TRMT10B: variants seen among roughly 807,000 people sequenced by gnomAD.
The protein encoded by TRMT10B is tRNA methyltransferase 10B, also known as tRNA methyltransferase 10 homolog B.
TRMT10B carries 33 observed loss-of-function variants against 43.8 expected under a neutral mutation model. The observed-to-expected ratio is 0.75, with a 90% CI of 0.57 to 1.01. The LOEUF (loss-of-function observed/expected upper bound fraction) is 1.01, where lower values mean the gene tolerates loss of function less well. Ranked by LOEUF, TRMT10B falls within the 50% of genes least tolerant of loss-of-function variation. The pLI is 0.00. For synonymous variants in TRMT10B, 137 were observed against 130.6 expected (o/e 1.05, Z -0.34); for missense variants, 362 against 369.8 (o/e 0.98, Z 0.17).
chr9:37,763,887 A>G (rs1257402030), intron 4 of TRMT10B, 134 bp downstream of exon 4: 1 of 1,544,920 alleles, frequency 6.5e-7, no homozygotes, highest in East Asian at 2.4e-5. Context: ...GATTTTCTAT[A>G]CTGGGTTACT....
intron 1 of TRMT10B, among the ~76,000 whole-genome samples, chr9:37,754,259 GACA>G (rs1215668367): frequency 4.6e-5 from 7 of 152,164 alleles, no homozygotes; most frequent in African/African-American, 1.7e-4. Flanking sequence ...AGGAGGTTCC[GACA>G]ACAAGTAAAA....
chr9:37,757,201 A>G lies in TRMT10B; in HGVS notation c.-30+3349A>G, dbSNP rs750905137. On this transcript the variant is annotated intron_variant, in intron 1 of 8. Transcript: ENST00000297994. ...TGGGTTCAAGCGATCTTCTGGCTTC[A>G]GCTGCCCAAGTAGCTGGGACTACAG... is the stretch of plus-strand genomic sequence containing the variant. Among the ~76,000 whole-genome samples the G allele has an allele frequency of 2.6e-5, 4 of 152,152 alleles. No homozygotes were observed. The East Asian group carries it at 7.7e-4, about 29-fold the overall frequency.
In TRMT10B at chr9:37,776,504, A is replaced by G. The variant is rs1230966094; in HGVS notation, c.844+99A>G. The G allele has an allele frequency of 2.8e-6, 4 of 1,419,360 alleles. No homozygotes were observed. In the African/African-American group the frequency reaches 4.4e-5, roughly 16 times the overall value. 87.9% of individuals were successfully genotyped at this position (1,419,360 alleles called of 1,614,324 possible). A position where few individuals can be genotyped will look rare whatever the true frequency, so the allele number is the denominator to read the frequency against. On this transcript the variant is annotated intron_variant, in intron 8 of 8. Transcript: ENST00000297994. ...TTTGAGTCAGTCTCCTCTGTGACTA[A>G]TGTGTGTGGACTTTATTGCATGTAC...
intron 1 of TRMT10B, among the ~76,000 whole-genome samples, chr9:37,757,019 T>C (rs948783425): frequency 6.6e-6 from 1 of 151,830 alleles, no homozygotes; most frequent in Non-Finnish European, 1.5e-5. Flanking sequence ...TTTTTTTTTT[T>C]AATTTGTGAT....
At chr9:37,757,912 T>G (rs1825891967) in intron 1 of TRMT10B, among the ~76,000 whole-genome samples, 1 of 152,204 alleles carries the variant, frequency 6.6e-6, no homozygotes, top group African/African-American at 2.4e-5. Context: ...AATGCTATTT[T>G]CCCGCTTAAA....
chr9:37,754,951 C>A (rs1825456143), intron 1 of TRMT10B, among the ~76,000 whole-genome samples: 1 of 152,098 alleles, frequency 6.6e-6, no homozygotes, highest in Non-Finnish European at 1.5e-5. Context: ...AAAGGTGCTG[C>A]CAGGATTGGG....
At chr9:37,767,728 C>G (rs1285859239) in intron 4 of TRMT10B, among the ~76,000 whole-genome samples, 2 of 151,892 alleles carry the variant, frequency 1.3e-5, no homozygotes, top group African/African-American at 4.8e-5. Flanking sequence ...ATATGATGTT[C>G]TGTAAAAACA....
In TRMT10B at chr9:37,776,419, G is replaced by A. The variant is rs149352092; in HGVS notation, c.844+14G>A. 262 of 1,600,768 alleles carry A rather than the reference G, an allele frequency of 1.6e-4. No homozygotes were observed. The highest frequency in any genetic ancestry group is 6.7e-4 in the African/African-American group (50 of 74,268). On this transcript the variant is annotated intron_variant, in intron 8 of 8. Coordinates refer to ENST00000297994, the MANE Select transcript of TRMT10B (RefSeq NM_144964.4). ...CCATCAATCAAGGTACTTCTTACAC[G>A]GCCCCCATCCAGGGTGTGTGAGTTC...
intron 8 of TRMT10B, 35 bp from the exon 9 acceptor site, chr9:37,777,566 T>C: frequency 6.6e-7 from 1 of 1,522,946 alleles, no homozygotes; most frequent in Non-Finnish European, 9.1e-7. Context: ...TTTTTCCCTC[T>C]GTGGTCACTG....
chr9:37,755,925 GT>G lies in TRMT10B; in HGVS notation c.-30+2076del, dbSNP rs527834377. On this transcript the variant is annotated intron_variant, in intron 1 of 8. Transcript: ENST00000297994. Reference sequence around the variant, plus strand: ...ATAAGCCCTCCTACAAAGGAATTCAGTTTGATAGGAGAGAAGATACCAGCAC... The same window carrying G: ...ATAAGCCCTCCTACAAAGGAATTCAGTTGATAGGAGAGAAGATACCAGCAC... Among the ~76,000 whole-genome samples, 63 of 152,308 alleles carry G rather than the reference GT, an allele frequency of 4.1e-4. 1 individual carries two copies. The highest frequency in any genetic ancestry group is 1.7e-3 in the South Asian group (8 of 4,826).
rs1396034281 is a variant in TRMT10B, at chr9:37,770,028, T to G, written c.652+9T>G. Reference sequence around the variant, plus strand: ...TCCTGACTCAGAACACGGTATGTAGTTGAATGCATGGATTCGTATAGCCCA... The same window carrying G: ...TCCTGACTCAGAACACGGTATGTAGGTGAATGCATGGATTCGTATAGCCCA... On this transcript the variant is annotated intron_variant, in intron 6 of 8. Transcript: ENST00000297994. 1 of 1,607,918 alleles carries G rather than the reference T, an allele frequency of 6.2e-7. No homozygotes were observed. Among genetic ancestry groups the G allele is most frequent in the Non-Finnish European group, 8.5e-7 (1 of 1,174,360 alleles).
At chr9:37,755,268 C>CTTTTTT (rs61444533) in intron 1 of TRMT10B, among the ~76,000 whole-genome samples, 5,059 of 124,170 alleles carry the variant, frequency 0.041, 130 homozygotes, top group Non-Finnish European at 0.061. Context: ...AAGACTCCGT[C>CTTTTTT]TTTTTTTTTT....
rs1262932293 is a variant in TRMT10B, at chr9:37,756,410, T to A, written c.-30+2558T>A. Among the ~76,000 whole-genome samples the A allele has an allele frequency of 5.4e-5, 8 of 148,020 alleles. No homozygotes were observed. The East Asian group carries it at 1.0e-3, about 18-fold the overall frequency. ...AATGGGGGTCTAGATATCTTTTGTT[T>A]AAAAAAAAAAAAATGGCTGGGTGCG... On this transcript the variant is annotated intron_variant, in intron 1 of 8. Coordinates refer to ENST00000297994, the MANE Select transcript of TRMT10B (RefSeq NM_144964.4).
chr9:37,761,637 G>T (rs1022092645), intron 1 of TRMT10B, among the ~76,000 whole-genome samples: 1 of 152,222 alleles, frequency 6.6e-6, no homozygotes, highest in Non-Finnish European at 1.5e-5. Flanking sequence ...GGCAGAGGTT[G>T]CAGTGAGCCA....
In TRMT10B at chr9:37,772,826, C is replaced by A. The variant is rs907096631; in HGVS notation, c.720+2087C>A. 9.9e-5 allele frequency among the ~76,000 whole-genome samples: 15 copies of A among 152,104 alleles called. 1 individual carries two copies. Among genetic ancestry groups the A allele is most frequent in the Admixed American group, 9.2e-4 (14 of 15,272 alleles). The stretch of plus-strand genomic sequence containing the variant: ...ACATTGAGAACCTATCTCTACAAAA[C>A]AATTTGGAAAAGAAGAAAAGGTTAA... On this transcript the variant is annotated intron_variant, in intron 7 of 8. Transcript: ENST00000297994.
At chr9:37,773,833 A>G (rs1157484115) in intron 7 of TRMT10B, among the ~76,000 whole-genome samples, 1 of 151,978 alleles carries the variant, frequency 6.6e-6, no homozygotes, top group East Asian at 1.9e-4. Flanking sequence ...ACTCTGTTTC[A>G]TACACACACA....
intron 8 of TRMT10B, among the ~76,000 whole-genome samples, chr9:37,776,867 C>A (rs183523926): frequency 4.6e-5 from 7 of 151,666 alleles, no homozygotes; most frequent in African/African-American, 1.5e-4. Context: ...CCACTGCACT[C>A]CAGCCTGGGT....
chr9:37,767,951 A>G (rs1051393298), intron 4 of TRMT10B, 125 bp from the exon 5 acceptor site: 1 of 970,070 alleles, frequency 1.0e-6, no homozygotes, highest in Non-Finnish European at 1.6e-6. Flanking sequence ...ACACGCACAC[A>G]TGTACTCCTA....
chr9:37,757,001 C>CT (rs1415422820), intron 1 of TRMT10B, among the ~76,000 whole-genome samples: 11 of 139,762 alleles, frequency 7.9e-5, no homozygotes, highest in Middle Eastern at 3.5e-3. Flanking sequence ...AGACCTATCT[C>CT]TTAACTTTTT....
Sources: allele counts gnomAD v4.1 joint callset (sites outside exome capture counted in the v4.1 genomes callset), GRCh38; gene constraint gnomAD v4.1.1; transcripts MANE v1.5; gene names NCBI Gene and HGNC (gene_info 2026-07-23, HGNC 2026-07-21).